UGT2B17: variants seen among roughly 807,000 people sequenced by gnomAD.
The protein encoded by UGT2B17 is UDP glucuronosyltransferase family 2 member B17.
UGT2B17 carries 21 observed loss-of-function variants against 48.2 expected under a neutral mutation model. That is an observed-to-expected ratio of 0.44 (90% CI 0.31 to 0.63). The LOEUF is 0.63. UGT2B17 is among the 20% of genes least tolerant of loss of function. The pLI, the probability that UGT2B17 is intolerant of heterozygous loss-of-function variation, is 0.08. For synonymous variants in UGT2B17, 146 were observed against 238.4 expected (o/e 0.61, Z 3.57); for missense variants, 402 against 696.1 (o/e 0.58, Z 4.75).
chr4:68,538,037 T>A (rs1160774808), intron 6 of UGT2B17, 133 bp from the exon 7 acceptor site: 3 of 648,276 alleles, frequency 4.6e-6, no homozygotes, highest in African/African-American at 3.9e-5. Flanking sequence ...CATAAAATAT[T>A]AATGTTTTAA....
chr4:68,543,513 A>T lies in UGT2B17; in HGVS notation c.1314-5609T>A, dbSNP rs1158880466. On this transcript the variant is annotated intron_variant, in intron 6 of 6. Transcript: ENST00000317746. ...AAAGAGCAGAAAAACTGGAAATTAT[A>T]AAATCAGAATGCCTCTCCTCCTCCA... Among the ~76,000 whole-genome samples the T allele has an allele frequency of 1.2e-4, 15 of 125,724 alleles. 3 individuals carry two copies. The highest frequency in any genetic ancestry group is 2.5e-4 in the Non-Finnish European group (15 of 59,454). The allele number at this position is 125,724 out of a possible 152,430, so 82.5% of individuals were successfully genotyped here.
chr4:68,547,967 C>T (rs1730847956), intron 6 of UGT2B17, among the ~76,000 whole-genome samples: 1 of 126,676 alleles, frequency 7.9e-6, no homozygotes, highest in Non-Finnish European at 1.7e-5. Context: ...AACACTTTTA[C>T]ACTGTTGGTG....
chr4:68,548,714 T>A lies in UGT2B17; in HGVS notation c.1313+1963A>T, dbSNP rs1730864979. 1.6e-5 allele frequency among the ~76,000 whole-genome samples: 2 copies of A among 125,652 alleles called. 1 individual carries two copies. The highest frequency in any genetic ancestry group is 5.4e-5 in the African/African-American group (2 of 36,834). The allele number at this position is 125,652 out of a possible 152,430, so 82.4% of individuals were successfully genotyped here. Reference sequence around the variant, plus strand: ...TTTCTATTTCTCCTTGAAGAGGTCCTTCACGTACCTTGTTAGGCATATTCC... The same window carrying A: ...TTTCTATTTCTCCTTGAAGAGGTCCATCACGTACCTTGTTAGGCATATTCC... On this transcript the variant is annotated intron_variant, in intron 6 of 6. Coordinates refer to ENST00000317746, the MANE Select transcript of UGT2B17 (RefSeq NM_001077.4).
At position 68,568,989 on chromosome 4, in the gene UGT2B17, C is replaced by T. The variant is rs538312948; in HGVS notation, c.-64-441G>A. 8.0e-5 allele frequency among the ~76,000 whole-genome samples: 11 copies of T among 137,844 alleles called. 1 individual carries two copies. Among genetic ancestry groups the T allele is most frequent in the African/African-American group, 1.8e-4 (7 of 39,528 alleles). 90.4% of individuals were successfully genotyped at this position (137,844 alleles called of 152,430 possible). ...TTCTATACAATAGCCTCTAACCCCC[C>T]ACTCTGAAATTTTGCATCCATCCTA... On this transcript the variant is annotated intron_variant, in intron 1 of 6. Transcript: ENST00000317746.
At position 68,547,079 on chromosome 4, in the gene UGT2B17, G is replaced by T. The variant is rs1329563533; in HGVS notation, c.1313+3598C>A. On this transcript the variant is annotated intron_variant, in intron 6 of 6. Coordinates refer to ENST00000317746, the MANE Select transcript of UGT2B17 (RefSeq NM_001077.4). ...TTCACAGAATTGGAAAAAACTACTT[G>T]AATTCATATGGAACCAAAAAAGAGC... is the stretch of plus-strand genomic sequence containing the variant. 1.4e-3 allele frequency among the ~76,000 whole-genome samples: 24 copies of T among 17,122 alleles called. 2 individuals are homozygous for T. Among genetic ancestry groups the T allele is most frequent in the Non-Finnish European group, 0.013 (13 of 1,020 alleles). 11.2% of individuals were successfully genotyped at this position (17,122 alleles called of 152,430 possible). A position where few individuals can be genotyped will look rare whatever the true frequency, so the allele number is the denominator to read the frequency against.
chr4:68,564,290 A>ATTTT lies in UGT2B17; in HGVS notation c.873+1281_873+1282insAAAA, dbSNP rs1413452406. Among the ~76,000 whole-genome samples, 9 of 89,634 alleles carry ATTTT rather than the reference A, an allele frequency of 1.0e-4. 2 individuals carry two copies. Among genetic ancestry groups the ATTTT allele is most frequent in the African/African-American group, 4.0e-4 (7 of 17,420 alleles). The allele number at this position is 89,634 out of a possible 152,430, so 58.8% of individuals were successfully genotyped here. On this transcript the variant is annotated intron_variant, in intron 3 of 6. Coordinates refer to ENST00000317746, the MANE Select transcript of UGT2B17 (RefSeq NM_001077.4). The stretch of plus-strand genomic sequence containing the variant: ...TCAAATTTCATATATATATATATAT[A>ATTTT]TATATTTTTTTTTTTTGAGACAGAG...
rs1730963799 is a variant in UGT2B17, at chr4:68,554,237, GA to G, written c.1006-2327del. ...GCCACAGCTCAGTTCCTCCTTTTAG[GA>G]AAAAAAGTGGGAAACAAATAATCTA... is the stretch of plus-strand genomic sequence containing the variant. On this transcript the variant is annotated intron_variant, in intron 4 of 6. Transcript: ENST00000317746. Among the ~76,000 whole-genome samples the G allele has an allele frequency of 1.6e-5, 2 of 123,480 alleles. 1 individual carries two copies. The highest frequency in any genetic ancestry group is 7.9e-4 in the South Asian group (2 of 2,526). 81.0% of individuals were successfully genotyped at this position (123,480 alleles called of 152,430 possible).
intron 6 of UGT2B17, among the ~76,000 whole-genome samples, chr4:68,538,744 G>C (rs545491774): frequency 7.9e-6 from 1 of 126,444 alleles, no homozygotes; most frequent in Non-Finnish European, 1.7e-5. Flanking sequence ...ATCCAAATCT[G>C]TCTGTGGTCT....
At chr4:68,557,451 C>A (rs570430320) in intron 4 of UGT2B17, among the ~76,000 whole-genome samples, 1 of 124,492 alleles carries the variant, frequency 8.0e-6, no homozygotes, top group South Asian at 3.7e-4. Context: ...GAATTAACTA[C>A]ATGGACTGAA....
Position 68,559,330 on chromosome 4 carries a change from AAGG to A in UGT2B17, c.1005+1204_1005+1206del, listed in dbSNP as rs1179815043. ...TTGTAAATGCTAACAATGTAGGAAAAAGGAGCCCATTGACAATTCATGATTAAC... is the reference window on the plus strand; with the variant it reads ...TTGTAAATGCTAACAATGTAGGAAAAAGCCCATTGACAATTCATGATTAAC... On this transcript the variant is annotated intron_variant, in intron 4 of 6. Transcript: ENST00000317746. Among the ~76,000 whole-genome samples, 11 of 126,080 alleles carry A rather than the reference AAGG, an allele frequency of 8.7e-5. 2 individuals carry two copies. The highest frequency in any genetic ancestry group is 1.7e-4 in the Non-Finnish European group (10 of 59,490). The allele number at this position is 126,080 out of a possible 152,430, so 82.7% of individuals were successfully genotyped here. A position where few individuals can be genotyped will look rare whatever the true frequency, so the allele number is the denominator to read the frequency against.
intron 3 of UGT2B17, 34 bp downstream of exon 3, chr4:68,565,538 G>C: frequency 7.5e-7 from 1 of 1,338,394 alleles, no homozygotes; most frequent in Non-Finnish European, 9.7e-7. Context: ...TTCTGAAAAT[G>C]TCAAGCAAAC....
chr4:68,557,335 T>C lies in UGT2B17; in HGVS notation c.1005+3202A>G, dbSNP rs1182578296. 1.6e-5 allele frequency among the ~76,000 whole-genome samples: 2 copies of C among 124,460 alleles called. 1 individual carries two copies. Among genetic ancestry groups the C allele is most frequent in the African/African-American group, 5.5e-5 (2 of 36,570 alleles). 81.7% of individuals were successfully genotyped at this position (124,460 alleles called of 152,430 possible). The stretch of plus-strand genomic sequence containing the variant: ...AGCCATGAAATTCTAACAGGTGCTC[T>C]TGAAAAAAAGTTTTTGATAATTTTG... On this transcript the variant is annotated intron_variant, in intron 4 of 6. Transcript: ENST00000317746.
At position 68,540,278 on chromosome 4, in the gene UGT2B17, G is replaced by T. The variant is rs756271850; in HGVS notation, c.1314-2374C>A. On this transcript the variant is annotated intron_variant, in intron 6 of 6. Coordinates refer to ENST00000317746, the MANE Select transcript of UGT2B17 (RefSeq NM_001077.4). ...AAAAGTTTTCAAAGATCATTATTTT[G>T]TCTACTTTGGTCTGTTTAAATTTAA... Among the ~76,000 whole-genome samples the T allele has an allele frequency of 4.0e-5, 5 of 126,436 alleles. 2 individuals carry two copies. Among genetic ancestry groups the T allele is most frequent in the Admixed American group, 1.6e-4 (2 of 12,374 alleles). 82.9% of individuals were successfully genotyped at this position (126,436 alleles called of 152,430 possible). A position where few individuals can be genotyped will look rare whatever the true frequency, so the allele number is the denominator to read the frequency against.
At position 68,568,603 on chromosome 4, in the gene UGT2B17, A is replaced by G. The variant is rs1731249693; in HGVS notation, c.-64-55T>C. 15 of 1,136,006 alleles carry G rather than the reference A, an allele frequency of 1.3e-5. 6 individuals carry two copies. In the South Asian group the frequency reaches 4.1e-4, roughly 31 times the overall value. The allele number at this position is 1,136,006 out of a possible 1,614,324, so 70.4% of individuals were successfully genotyped here. ...AACTGCTAAAATTTGAGTTGACCTC[A>G]TATTTATTTTAGTGTGTTTGGTGTT... On this transcript the variant is annotated intron_variant, in intron 1 of 6. Coordinates refer to ENST00000317746, the MANE Select transcript of UGT2B17 (RefSeq NM_001077.4).
At position 68,543,896 on chromosome 4, in the gene UGT2B17, G is replaced by T. The variant is rs1262256722; in HGVS notation, c.1314-5992C>A. The stretch of plus-strand genomic sequence containing the variant: ...AAGTTTAGACAAAAAAGAATAAAAA[G>T]AAATGAACAAAGCCTCCAAGAAATA... On this transcript the variant is annotated intron_variant, in intron 6 of 6. Transcript: ENST00000317746. Among the ~76,000 whole-genome samples, 10 of 125,800 alleles carry T rather than the reference G, an allele frequency of 7.9e-5. 3 individuals carry two copies. Among genetic ancestry groups the T allele is most frequent in the South Asian group, 7.5e-4 (2 of 2,682 alleles). The allele number at this position is 125,800 out of a possible 152,430, so 82.5% of individuals were successfully genotyped here.
chr4:68,544,264 TG>T (rs1730748081), intron 6 of UGT2B17, among the ~76,000 whole-genome samples: 1 of 125,638 alleles, frequency 8.0e-6, no homozygotes, highest in African/African-American at 2.7e-5. Context: ...CAGAAGAGAG[TG>T]GGGGCCAATA....
chr4:68,566,048 AATTTTATTAATTTT>A (rs1440198517), intron 2 of UGT2B17, among the ~76,000 whole-genome samples: 3 of 118,562 alleles, frequency 2.5e-5, no homozygotes, highest in African/African-American at 8.5e-5. Context: ...ATATTAATAA[AATTTTATTAATTTT>A]ATTTTATTAA....
chr4:68,566,675 A>C (rs1578172394), intron 2 of UGT2B17, among the ~76,000 whole-genome samples: 1 of 68,506 alleles, frequency 1.5e-5, no homozygotes, highest in Admixed American at 1.8e-4. Context: ...GAGTCTATTA[A>C]ACTTCTTTTC....
chr4:68,571,850 T>C lies in UGT2B17; in HGVS notation c.-64-3302A>G, dbSNP rs1457532365. 4.7e-5 allele frequency among the ~76,000 whole-genome samples: 6 copies of C among 126,624 alleles called. 1 individual carries two copies. The highest frequency in any genetic ancestry group is 1.0e-4 in the Non-Finnish European group (6 of 59,742). 83.1% of individuals were successfully genotyped at this position (126,624 alleles called of 152,430 possible). Reference sequence around the variant, plus strand: ...AGGTACTGGCACATTTAGTTCATCATAGAAAGTCTGAAACACTGGTTCTGG... The same window carrying C: ...AGGTACTGGCACATTTAGTTCATCACAGAAAGTCTGAAACACTGGTTCTGG... On this transcript the variant is annotated intron_variant, in intron 1 of 6. Transcript: ENST00000317746.
Sources: allele counts gnomAD v4.1 joint callset (sites outside exome capture counted in the v4.1 genomes callset), GRCh38; gene constraint gnomAD v4.1.1; transcripts MANE v1.5; gene names NCBI Gene and HGNC (gene_info 2026-07-23, HGNC 2026-07-21).